Variants in KRI1 observed in about 807,000 individuals in gnomAD.
The protein encoded by KRI1 is KRI1 homolog, also known as protein KRI1 homolog.
A neutral mutation model predicts 97.0 loss-of-function variants in KRI1; 83 were observed. The ratio of observed to expected loss-of-function variants is 0.86; its 90% CI spans 0.72 to 1.03. The LOEUF (loss-of-function observed/expected upper bound fraction) is 1.03. Ranked by LOEUF, KRI1 falls within the 50% of genes least tolerant of loss-of-function variation. KRI1 has a pLI of 0.00. For missense variants in KRI1, 916 were observed against 928.4 expected (o/e 0.99, Z 0.17); for synonymous variants, 371 against 363.5 (o/e 1.02, Z -0.23).
In KRI1 at chr19:10,559,727, G is replaced by A; in HGVS notation, c.928-19C>T. 6.2e-7 allele frequency: 1 copy of A among 1,614,044 alleles called. No individual in the cohort carries two copies. Among genetic ancestry groups the A allele is most frequent in the Non-Finnish European group, 8.5e-7 (1 of 1,180,008 alleles). ...TCTTGACCTAGGCGCAATCAGAAAA[G>A]CCCACAAGGGCCGCAGAGATGATGT... On this transcript the variant is annotated intron_variant, in intron 10 of 18. Coordinates refer to ENST00000312962, the MANE Select transcript of KRI1 (RefSeq NM_023008.5).
Position 10,559,898 on chromosome 19 carries a change from GAGTCGTCCAC to G in KRI1, c.829_838del (p.Val277ProfsTer9). The G allele has an allele frequency of 6.2e-7, 1 of 1,613,000 alleles. No individual in the cohort carries two copies. The highest frequency in any genetic ancestry group is 8.5e-7 in the Non-Finnish European group (1 of 1,179,984). On this transcript the variant is annotated frameshift_variant, in exon 10 of 19. Coordinates refer to ENST00000312962, the MANE Select transcript of KRI1 (RefSeq NM_023008.5). LOFTEE classifies it high-confidence loss of function. ...CAGAAACAGCTCCCCTTCGTCTGAG[GAGTCGTCCAC>G]AGCCAGCTGGACTGGGGGACCGTGG...
intron 18 of KRI1, among the ~76,000 whole-genome samples, chr19:10,554,770 G>A (rs568795696): frequency 2.0e-5 from 3 of 152,274 alleles, no homozygotes; most frequent in Non-Finnish European, 4.4e-5. Flanking sequence ...CTGGGCGAAA[G>A]CAATCCTAAT....
rs34864064 is a variant in KRI1, at chr19:10,565,811, G to GCCCCCC, written c.95-27_95-22dup. 6 of 1,522,890 alleles carry GCCCCCC rather than the reference G, an allele frequency of 3.9e-6. No individual in the cohort carries two copies. The African/African-American group carries it at 5.8e-5, about 15-fold the overall frequency. The allele number at this position is 1,522,890 out of a possible 1,614,324, so 94.3% of individuals were successfully genotyped here. ...CTTCACTGCGGGACACAGACGGGAT[G>GCCCCCC]CCCCCCCCCAGGTCAGCCGGCGGGG... is the stretch of plus-strand genomic sequence containing the variant. On this transcript the variant is annotated intron_variant, in intron 1 of 18. Transcript: ENST00000312962.
rs779377203 is a variant in KRI1 at position 10,557,961 on chromosome 19, G to A, written c.1359+11C>T. 25 of 1,613,862 alleles carry A rather than the reference G, an allele frequency of 1.5e-5. No individual in the cohort carries two copies. In the East Asian group the frequency reaches 2.5e-4, roughly 16 times the overall value. ...AGGGCCCCTGGGACTCCCTCAACCC[G>A]TGATACCTACGTTGAAGTTGGGGTC... is the stretch of plus-strand genomic sequence containing the variant. On this transcript the variant is annotated intron_variant, in intron 14 of 18. Coordinates refer to ENST00000312962, the MANE Select transcript of KRI1 (RefSeq NM_023008.5).
Position 10,561,380 on chromosome 19 carries a change from G to T in KRI1, c.489-115C>A, listed in dbSNP as rs1268471894. 12 of 982,506 alleles carry T rather than the reference G, an allele frequency of 1.2e-5. No homozygotes were observed. The East Asian group carries it at 3.1e-4, about 26-fold the overall frequency. The allele number at this position is 982,506 out of a possible 1,614,324, so 60.9% of individuals were successfully genotyped here. A position where few individuals can be genotyped will look rare whatever the true frequency, so the allele number is the denominator to read the frequency against. ...TCACTATGTTGCCCAGGCTGATCTT[G>T]AACTCCTGGGCTCAAGTGATCCTCC... On this transcript the variant is annotated intron_variant, in intron 6 of 18. Coordinates refer to ENST00000312962, the MANE Select transcript of KRI1 (RefSeq NM_023008.5).
In KRI1 at chr19:10,559,939, G is replaced by T; in HGVS notation, c.801-3C>A. 1 of 1,610,132 alleles carries T rather than the reference G, an allele frequency of 6.2e-7. No homozygotes were observed. On this transcript the variant is annotated splice_region_variant and splice_polypyrimidine_tract_variant and intron_variant, in intron 9 of 18. Transcript: ENST00000312962. ...GCTGGACTGGGGGACCGTGGACCCT[G>T]AGGGGCAAGATGTGGTGATGCCAGG...
At chr19:10,558,282 A>T in intron 12 of KRI1, 43 bp from the exon 13 acceptor site, 1 of 1,588,480 alleles carries the variant, frequency 6.3e-7, no homozygotes, top group African/African-American at 1.3e-5. Flanking sequence ...CACTCGAGAC[A>T]TAGGAGCTGA....
rs780726728 is a variant in KRI1 at position 10,558,074 on chromosome 19, G to A, written c.1271-14C>T. The A allele has an allele frequency of 4.3e-6, 7 of 1,613,916 alleles. No homozygotes were observed. In the South Asian group the frequency reaches 6.6e-5, roughly 15 times the overall value. ...AGTTCCAGTCGTCTGGATGCAGGGAGAACAGACAGGTGGGGCCAGGGTGGG... is the reference window on the plus strand; with the variant it reads ...AGTTCCAGTCGTCTGGATGCAGGGAAAACAGACAGGTGGGGCCAGGGTGGG... On this transcript the variant is annotated splice_polypyrimidine_tract_variant and intron_variant, in intron 13 of 18. Transcript: ENST00000312962.
intron 12 of KRI1, among the ~76,000 whole-genome samples, chr19:10,558,655 G>A (rs1209889978): frequency 2.0e-5 from 3 of 151,714 alleles, no homozygotes; most frequent in Non-Finnish European, 2.9e-5. Context: ...CGATTCTCCT[G>A]CCTCAGCCTC....
intron 9 of KRI1, 41 bp downstream of exon 9, chr19:10,560,271 C>T (rs774875514): frequency 5.8e-6 from 9 of 1,548,490 alleles, no homozygotes; most frequent in South Asian, 2.4e-5. Context: ...CTTCATGAAG[C>T]GCACCCAAAA....
At chr19:10,564,858 T>A in intron 3 of KRI1, 71 bp downstream of exon 3, 1 of 953,740 alleles carries the variant, frequency 1.0e-6, no homozygotes, top group South Asian at 1.3e-5. Flanking sequence ...CTTCTCTGAA[T>A]CCACAGTCAG....
Position 10,561,805 on chromosome 19 carries a change from T to C in KRI1, c.424A>G (p.Asn142Asp), listed in dbSNP as rs1555749537. 4 of 1,614,030 alleles carry C rather than the reference T, an allele frequency of 2.5e-6. No homozygotes were observed. In the Admixed American group the frequency reaches 6.7e-5, roughly 27 times the overall value. ...ACCCCACCCACCTGGAGTCTGTGATTGGAAGTCTCCCCGTCTGAGTTCTCC... is the reference window on the plus strand; with the variant it reads ...ACCCCACCCACCTGGAGTCTGTGATCGGAAGTCTCCCCGTCTGAGTTCTCC... ...DEENSDGETS[N>D]HRLQETSSQS... is the part of the protein sequence containing the mutation. Residue 142 changes from asparagine to aspartate, a missense_variant, in exon 5 of 19, where the codon AAT becomes GAT. Transcript: ENST00000312962.
intron 10 of KRI1, 34 bp downstream of exon 10, chr19:10,559,776 G>A (rs1209435188): frequency 6.2e-7 from 1 of 1,613,254 alleles, no homozygotes; most frequent in Admixed American, 1.7e-5. Flanking sequence ...CCTGAACCCT[G>A]GGGGCTGAGT....
Position 10,553,320 on chromosome 19 carries a change from A to G in KRI1, c.*631T>C, listed in dbSNP as rs1365633716. ...GGGCACCCCCCTCAGGGCCTGACTC[A>G]CGTACTGTAGTTTGCACTGGACGCC... On this transcript the variant is annotated 3_prime_UTR_variant, in exon 19 of 19. Coordinates refer to ENST00000312962, the MANE Select transcript of KRI1 (RefSeq NM_023008.5). 4.2e-6 allele frequency: 2 copies of G among 481,458 alleles called. No homozygotes were observed. Among genetic ancestry groups the G allele is most frequent in the African/African-American group, 3.8e-5 (2 of 52,060 alleles). The allele number at this position is 481,458 out of a possible 1,614,324, so 29.8% of individuals were successfully genotyped here. A position where few individuals can be genotyped will look rare whatever the true frequency, so the allele number is the denominator to read the frequency against.
At chr19:10,556,305 G>A (rs748603254) in intron 16 of KRI1, among the ~76,000 whole-genome samples, 1 of 151,644 alleles carries the variant, frequency 6.6e-6, no homozygotes, top group Non-Finnish European at 1.5e-5. Context: ...TTACAGGTGT[G>A]AGCCAGTGTG....
At position 10,558,062 on chromosome 19, in the gene KRI1, T is replaced by C; in HGVS notation, c.1271-2A>G. 6.2e-7 allele frequency: 1 copy of C among 1,614,152 alleles called. No individual in the cohort carries two copies. The highest frequency in any genetic ancestry group is 8.5e-7 in the Non-Finnish European group (1 of 1,180,028). On this transcript the variant is annotated splice_acceptor_variant, in intron 13 of 18. Transcript: ENST00000312962. LOFTEE classifies it high-confidence loss of function. Reference sequence around the variant, plus strand: ...CCCACGTGTCCCAGTTCCAGTCGTCTGGATGCAGGGAGAACAGACAGGTGG... The same window carrying C: ...CCCACGTGTCCCAGTTCCAGTCGTCCGGATGCAGGGAGAACAGACAGGTGG...
rs747933507 is a variant in KRI1, at chr19:10,561,854, G to A, written c.384-9C>T. ...CCTCATCAACATATTTGCTGTAAAG[G>A]AAAAGTGGGGTCTTCAGAATATATC... On this transcript the variant is annotated splice_polypyrimidine_tract_variant and intron_variant, in intron 4 of 18. Coordinates refer to ENST00000312962, the MANE Select transcript of KRI1 (RefSeq NM_023008.5). 1.9e-6 allele frequency: 3 copies of A among 1,613,284 alleles called. No homozygotes were observed. The highest frequency in any genetic ancestry group is 2.2e-5 in the South Asian group (2 of 91,066).
In KRI1 at chr19:10,557,885, T is replaced by G; in HGVS notation, c.1370A>C (p.Asp457Ala). ...CEDPNFNMDA[D>A]YDPSQPRKKK... ...CTTCCTCGGCTGGCTGGGGTCGTAGTCGGCGTCCATCTGCCAGGACGCACA... is the reference window on the plus strand; with the variant it reads ...CTTCCTCGGCTGGCTGGGGTCGTAGGCGGCGTCCATCTGCCAGGACGCACA... The change falls in exon 15 of 19, where the codon GAC becomes GCC. Residue 457 changes from aspartate to alanine, a missense_variant. Asp to Ala is a moderately radical substitution (Grantham distance 126). Transcript: ENST00000312962. 2 of 1,613,502 alleles carry G rather than the reference T, an allele frequency of 1.2e-6. No individual in the cohort carries two copies. Among genetic ancestry groups the G allele is most frequent in the Non-Finnish European group, 1.7e-6 (2 of 1,179,878 alleles).
chr19:10,554,511 C>A (rs117553516), intron 18 of KRI1, among the ~76,000 whole-genome samples: 1 of 152,190 alleles, frequency 6.6e-6, no homozygotes, highest in Admixed American at 6.5e-5. Flanking sequence ...TGTGCCTGGG[C>A]CTGCCCTAAG....
Sources: gnomAD v4.1 joint callset for allele counts (sites outside exome capture counted in the v4.1 genomes callset) on GRCh38, gnomAD v4.1.1 for gene constraint, MANE v1.5 for transcripts, NCBI Gene and HGNC (gene_info 2026-07-23, HGNC 2026-07-21) for gene names.